The following THSD4 variants were observed in gnomAD, a reference collection of about 807,000 sequenced individuals.
The protein encoded by THSD4 is thrombospondin type 1 domain containing 4.
A neutral mutation model predicts 119.0 loss-of-function variants in THSD4; 69 were observed. The ratio of observed to expected loss-of-function variants is 0.58; its 90% CI spans 0.48 to 0.71. The LOEUF (loss-of-function observed/expected upper bound fraction) is 0.71, where lower values mean the gene tolerates loss of function less well. Ranked by LOEUF, THSD4 falls within the 30% of genes least tolerant of loss-of-function variation. The probability of loss-of-function intolerance (pLI) is 0.00; values close to 1 mark genes in which losing one functional copy is unlikely to be tolerated. For missense variants in THSD4, 1,393 were observed against 1,391.1 expected (o/e 1.00, Z -0.02); for synonymous variants, 524 against 540.4 (o/e 0.97, Z 0.42).
intron 7 of THSD4, among the ~76,000 whole-genome samples, chr15:71,429,307 G>A (rs2046913262): frequency 6.6e-6 from 1 of 152,196 alleles, no homozygotes; most frequent in South Asian, 2.1e-4. Flanking sequence ...GGAAATTAAT[G>A]GACTTGGAAA....
chr15:71,381,419 A>G (rs1566962868), intron 6 of THSD4, among the ~76,000 whole-genome samples: 1 of 152,204 alleles, frequency 6.6e-6, no homozygotes, highest in South Asian at 2.1e-4. Flanking sequence ...CTTGGTGTTA[A>G]TATTTAATTA....
At chr15:71,510,616 C>G (rs986579371) in intron 7 of THSD4, among the ~76,000 whole-genome samples, 2 of 152,162 alleles carry the variant, frequency 1.3e-5, no homozygotes, top group African/African-American at 4.8e-5. Context: ...TGTGGCAATG[C>G]TGCTGCCTGG....
intron 1 of THSD4, among the ~76,000 whole-genome samples, chr15:71,125,526 A>G (rs1298757193): frequency 2.6e-5 from 4 of 152,246 alleles, no homozygotes; most frequent in Admixed American, 2.6e-4. Flanking sequence ...AACAAAAACA[A>G]AGACTGTTAG....
chr15:71,422,945 G>A (rs113632777), intron 7 of THSD4, among the ~76,000 whole-genome samples: 1,772 of 152,152 alleles, frequency 0.012, 13 homozygotes, highest in Middle Eastern at 0.037. Context: ...TGCAAGCAGA[G>A]GAGTCTGTCC....
chr15:71,704,738 T>C (rs547534531), intron 8 of THSD4, among the ~76,000 whole-genome samples: 1 of 152,364 alleles, frequency 6.6e-6, no homozygotes, highest in South Asian at 2.1e-4. Flanking sequence ...GCCGGTTGGC[T>C]ACAACCCCTA....
chr15:71,151,233 C>A (rs1432995248), intron 2 of THSD4, among the ~76,000 whole-genome samples: 1 of 152,104 alleles, frequency 6.6e-6, no homozygotes, highest in Non-Finnish European at 1.5e-5. Flanking sequence ...GATCTCACTC[C>A]CTTTCCTGCC....
chr15:71,569,032 T>G (rs1234330117), intron 7 of THSD4, among the ~76,000 whole-genome samples: 3 of 152,284 alleles, frequency 2.0e-5, no homozygotes, highest in Admixed American at 2.0e-4. Context: ...TTGTCTCATC[T>G]GAATATGTTT....
At chr15:71,554,261 T>A (rs1056601835) in intron 7 of THSD4, among the ~76,000 whole-genome samples, 2 of 151,828 alleles carry the variant, frequency 1.3e-5, no homozygotes, top group Non-Finnish European at 2.9e-5. Flanking sequence ...GGCTAATTTT[T>A]TTTTTTGTAT....
chr15:71,204,702 C>A (rs1433372307), intron 3 of THSD4, among the ~76,000 whole-genome samples: 1 of 152,172 alleles, frequency 6.6e-6, no homozygotes, highest in East Asian at 1.9e-4. Context: ...ACCCTTTCCT[C>A]TTCTTTCATC....
At chr15:71,293,275 T>A (rs943447631) in intron 6 of THSD4, among the ~76,000 whole-genome samples, 1 of 152,186 alleles carries the variant, frequency 6.6e-6, no homozygotes, top group South Asian at 2.1e-4. Context: ...ACTGTCATTA[T>A]GTAGATGGTT....
At chr15:71,279,150 A>C (rs530231259) in intron 6 of THSD4, among the ~76,000 whole-genome samples, 1 of 152,272 alleles carries the variant, frequency 6.6e-6, no homozygotes, top group East Asian at 1.9e-4. Flanking sequence ...GAGAAAATGG[A>C]GGGGAGGACT....
chr15:71,535,842 A>G (rs1157209873), intron 7 of THSD4, among the ~76,000 whole-genome samples: 1 of 152,206 alleles, frequency 6.6e-6, no homozygotes, highest in Non-Finnish European at 1.5e-5. Context: ...CTCTTATCAG[A>G]CATGATTTGT....
chr15:71,586,832 C>T (rs891365045), intron 7 of THSD4, among the ~76,000 whole-genome samples: 1 of 152,162 alleles, frequency 6.6e-6, no homozygotes, highest in Non-Finnish European at 1.5e-5. Flanking sequence ...TTCTGTGTTT[C>T]CTTCATGAAG....
intron 7 of THSD4, among the ~76,000 whole-genome samples, chr15:71,521,989 C>A (rs1255649846): frequency 6.6e-6 from 1 of 152,112 alleles, no homozygotes; most frequent in Admixed American, 6.5e-5. Flanking sequence ...GTAAAAAATT[C>A]CTTGAAAGTT....
At chr15:71,373,517 T>G (rs532889798) in intron 6 of THSD4, among the ~76,000 whole-genome samples, 2 of 152,354 alleles carry the variant, frequency 1.3e-5, no homozygotes, top group African/African-American at 4.8e-5. Context: ...TAGCAAATCA[T>G]CATTGAAACA....
At chr15:71,441,405 T>TTTTTTTTA (rs2047087249) in intron 7 of THSD4, among the ~76,000 whole-genome samples, 1 of 46,682 alleles carries the variant, frequency 2.1e-5, no homozygotes, top group Admixed American at 2.4e-4. Context: ...GAATTTTTTT[T>TTTTTTTTA]TTTTTTTTTT....
At chr15:71,611,343 C>T (rs773203014) in intron 7 of THSD4, among the ~76,000 whole-genome samples, 11 of 152,144 alleles carry the variant, frequency 7.2e-5, no homozygotes, top group Admixed American at 2.0e-4. Context: ...AAAATAATGC[C>T]ATTTTCCTTC....
At chr15:71,229,682 C>G (rs1313577980) in intron 4 of THSD4, among the ~76,000 whole-genome samples, 2 of 152,134 alleles carry the variant, frequency 1.3e-5, no homozygotes, top group Non-Finnish European at 2.9e-5. Context: ...TGACCGTACA[C>G]TGTGCTAATT....
intron 7 of THSD4, among the ~76,000 whole-genome samples, chr15:71,555,794 T>A (rs534172307): frequency 1.3e-5 from 2 of 152,352 alleles, no homozygotes; most frequent in African/African-American, 2.4e-5. Flanking sequence ...CACTTAGAGT[T>A]AAATTTTCTG....
Sources: gnomAD v4.1 joint callset for allele counts (sites outside exome capture counted in the v4.1 genomes callset) on GRCh38, gnomAD v4.1.1 for gene constraint, MANE v1.5 for transcripts, NCBI Gene and HGNC (gene_info 2026-07-23, HGNC 2026-07-21) for gene names.